Variants in ETAA1 observed in about 807,000 individuals in gnomAD.
ETAA1 encodes ETAA1 activator of ATR kinase, also known as ewing's tumor-associated antigen 1.
In ETAA1, 49 loss-of-function variants were observed where a neutral mutation model predicts 76.8. That is an observed-to-expected ratio of 0.64 (90% CI 0.51 to 0.81). ETAA1 has a LOEUF of 0.81. ETAA1 is among the 30% of genes least tolerant of loss of function. The probability of loss-of-function intolerance (pLI) is 0.00; values close to 1 mark genes in which losing one functional copy is unlikely to be tolerated. For missense variants in ETAA1, 1,099 were observed against 1,074.0 expected (o/e 1.02, Z -0.32); for synonymous variants, 373 against 372.2 (o/e 1.00, Z -0.03).
At position 67,404,149 on chromosome 2, in the gene ETAA1, T is replaced by A. The variant is rs1676136381; in HGVS notation, c.1467T>A (p.Val489=). Residue 489 remains valine (V), a synonymous_variant, in exon 5 of 6, where the codon GTT becomes GTA. Coordinates refer to ENST00000272342, the MANE Select transcript of ETAA1 (RefSeq NM_019002.4). The part of the protein sequence containing the change: ...MKFENSSNKI[V]IQDEIQNCIV... ...TTGAGAACTCTTCCAATAAAATTGT[T>A]ATTCAAGACGAAATTCAAAATTGTA... The A allele has an allele frequency of 6.3e-7, 1 of 1,591,426 alleles. No homozygotes were observed. The highest frequency in any genetic ancestry group is 1.4e-5 in the African/African-American group (1 of 73,466).
Position 67,403,962 on chromosome 2 carries a change from C to G in ETAA1, c.1280C>G (p.Thr427Arg). 1 of 1,608,394 alleles carries G rather than the reference C, an allele frequency of 6.2e-7. No individual in the cohort carries two copies. Among genetic ancestry groups the G allele is most frequent in the Non-Finnish European group, 8.5e-7 (1 of 1,178,036 alleles). The change falls in exon 5 of 6, where the codon ACG becomes AGG. Residue 427 changes from threonine (T) to arginine (R), a missense_variant. Thr to Arg is a moderately conservative substitution (Grantham distance 71). Around this residue, in one of 3 missense-constraint regions of ETAA1, gnomAD observed 761 missense variants for 731.9 expected, o/e 1.04. Transcript: ENST00000272342. ...TTTAATAGTAAAACTGTTAAAAATA[C>G]GTCAAGAGCAAATACAAGTCCAGAT... ...CTFNSKTVKN[T>R]SRANTSPDAR...
In ETAA1 at chr2:67,404,287, G is replaced by A. The variant is rs768313732; in HGVS notation, c.1605G>A (p.Lys535=). The change falls in exon 5 of 6, where the codon AAG becomes AAA. Residue 535 remains lysine (K), a synonymous_variant. Coordinates refer to ENST00000272342, the MANE Select transcript of ETAA1 (RefSeq NM_019002.4). ...NTRYSNEQKN[K]CILNQSIKAP... ...GGTATTCTAATGAACAGAAAAATAA[G>A]TGCATTTTAAATCAGTCTATTAAAG... 4 of 1,612,000 alleles carry A rather than the reference G, an allele frequency of 2.5e-6. No individual in the cohort carries two copies. The highest frequency in any genetic ancestry group is 1.3e-5 in the African/African-American group (1 of 74,770).
rs531001702 is a variant in ETAA1 at position 67,405,215 on chromosome 2, T to C, written c.2533T>C (p.Ser845Pro). 2 of 1,612,644 alleles carry C rather than the reference T, an allele frequency of 1.2e-6. No homozygotes were observed. The highest frequency in any genetic ancestry group is 1.3e-5 in the African/African-American group (1 of 74,984). Residue 845 changes from serine (S) to proline (P), a missense_variant, in exon 5 of 6, where the codon TCT (serine) becomes CCT (proline). Around this residue, in one of 3 missense-constraint regions of ETAA1, gnomAD observed 302 missense variants for 278.1 expected, o/e 1.09. Transcript: ENST00000272342. The stretch of plus-strand genomic sequence containing the variant: ...TCAAAATTGTATAACTGGAAGTATG[T>C]CTGATACCAAAATTACACAGGGTGT... Reference protein sequence around the residue: ...FNQNCITGSMSDTKITQGVEK... With the variant: ...FNQNCITGSMPDTKITQGVEK...
intron 5 of ETAA1, 88 bp from the exon 6 acceptor site, chr2:67,409,822 TG>T: frequency 8.4e-7 from 1 of 1,197,544 alleles, no homozygotes; most frequent in Non-Finnish European, 1.2e-6. Context: ...ATGGCAAATC[TG>T]GGTGATTAAA....
In ETAA1 at chr2:67,403,703, C is replaced by T. The variant is rs145469665; in HGVS notation, c.1021C>T (p.Arg341Ter). 1 of 1,613,370 alleles carries T rather than the reference C, an allele frequency of 6.2e-7. No homozygotes were observed. Residue 341 changes from arginine to a stop codon, truncating the protein, a stop_gained, in exon 5 of 6, where the codon CGA becomes TGA. Transcript: ENST00000272342. LOFTEE classifies it high-confidence loss of function. ...TGAAAAACTGTCAAATAAAACCCCA[C>T]GATCACTTTCTTCTCAAGTAGATAC... is the stretch of plus-strand genomic sequence containing the variant. The part of the protein sequence containing the change: ...VIEKLSNKTP[R>*]SLSSQVDTPI...
rs759280446 is a variant in ETAA1, at chr2:67,404,179, T to TA, written c.1498dup (p.Thr500AsnfsTer3). ...AAGACGAAATTCAAAATTGTATAGT[T>TA]ACATCTAATCTGACAAAAATAAAGG... is the stretch of plus-strand genomic sequence containing the variant. On this transcript the variant is annotated frameshift_variant, in exon 5 of 6. Coordinates refer to ENST00000272342, the MANE Select transcript of ETAA1 (RefSeq NM_019002.4). LOFTEE classifies it high-confidence loss of function. The TA allele has an allele frequency of 1.9e-6, 3 of 1,605,308 alleles. No individual in the cohort carries two copies.
Position 67,403,241 on chromosome 2 carries a change from C to A in ETAA1, c.559C>A (p.Gln187Lys). ...GTTTAATAGGTTAAAAACACAAAGTCAAGAAGAAGAACTTATGAAACTGGC... is the reference window on the plus strand; with the variant it reads ...GTTTAATAGGTTAAAAACACAAAGTAAAGAAGAAGAACTTATGAAACTGGC... Reference protein sequence around the residue: ...ISCTKLKTQSQEEELMKLAKQ... With the variant: ...ISCTKLKTQSKEEELMKLAKQ... Residue 187 changes from glutamine to lysine, a missense_variant, in exon 5 of 6, where the codon CAA becomes AAA. Gln to Lys is a moderately conservative substitution (Grantham distance 53). This residue lies in a region of ETAA1 where 761 missense variants were observed against 731.9 expected (regional missense o/e 1.04). Coordinates refer to ENST00000272342, the MANE Select transcript of ETAA1 (RefSeq NM_019002.4). 1 of 1,560,818 alleles carries A rather than the reference C, an allele frequency of 6.4e-7. No homozygotes were observed. The highest frequency in any genetic ancestry group is 1.2e-5 in the South Asian group (1 of 81,588).
At chr2:67,400,081 G>C (rs1282237964) in intron 3 of ETAA1, among the ~76,000 whole-genome samples, 1 of 152,116 alleles carries the variant, frequency 6.6e-6, no homozygotes, top group Non-Finnish European at 1.5e-5. Flanking sequence ...CAAAAGTGGA[G>C]AGCACTGAAT....
chr2:67,403,591 G>C lies in ETAA1; in HGVS notation c.909G>C (p.Glu303Asp). Residue 303 changes from glutamate (E) to aspartate (D), a missense_variant, in exon 5 of 6, where the codon GAG (glutamate) becomes GAC (aspartate). By Grantham distance (45) the Glu-to-Asp change is conservative. This residue lies in a region of ETAA1 where 761 missense variants were observed against 731.9 expected (regional missense o/e 1.04). Coordinates refer to ENST00000272342, the MANE Select transcript of ETAA1 (RefSeq NM_019002.4). Reference protein sequence around the residue: ...CSGQLSQELPEAFWSTSNTTF... With the variant: ...CSGQLSQELPDAFWSTSNTTF... ...GACAGTTAAGCCAAGAACTGCCAGA[G>C]GCTTTTTGGAGCACCAGTAATACTA... 6.2e-7 allele frequency: 1 copy of C among 1,613,330 alleles called. No homozygotes were observed. The highest frequency in any genetic ancestry group is 8.5e-7 in the Non-Finnish European group (1 of 1,179,420).
At position 67,397,472 on chromosome 2, in the gene ETAA1, T is replaced by A. The variant is rs767455421; in HGVS notation, c.24T>A (p.Asp8Glu). 6 of 1,601,182 alleles carry A rather than the reference T, an allele frequency of 3.7e-6. No individual in the cohort carries two copies. The highest frequency in any genetic ancestry group is 5.1e-6 in the Non-Finnish European group (6 of 1,173,986). Residue 8 changes from aspartate to glutamate, a missense_variant, in exon 1 of 6, where the codon GAT (aspartate) becomes GAA (glutamate). Physicochemically the swap from Asp to Glu is conservative, Grantham distance 45. Coordinates refer to ENST00000272342, the MANE Select transcript of ETAA1 (RefSeq NM_019002.4). MSRRRKHDDSPSPKKTPH... is the reference protein window; with the variant it reads MSRRRKHEDSPSPKKTPH... ...CAATGAGTCGGCGAAGGAAACATGA[T>A]GACAGCCCTAGCCCGAAGAAAACGC...
rs1435675184 is a variant in ETAA1, at chr2:67,409,937, T to A, written c.2680T>A (p.Ser894Thr). ...GGAAGAAGAGAAAAATAGAAAGTGT[T>A]CTCCTGAAGAAATTCAGAGAAAAAG... is the stretch of plus-strand genomic sequence containing the variant. ...KEEEEKNRKCSPEEIQRKRQE... is the reference protein window; with the variant it reads ...KEEEEKNRKCTPEEIQRKRQE... The change falls in exon 6 of 6, where the codon TCT becomes ACT. Residue 894 changes from serine (S) to threonine (T), a missense_variant. Physicochemically the swap from Ser to Thr is moderately conservative, Grantham distance 58. Around this residue, in one of 3 missense-constraint regions of ETAA1, gnomAD observed 302 missense variants for 278.1 expected, o/e 1.09. Transcript: ENST00000272342. 1 of 1,604,880 alleles carries A rather than the reference T, an allele frequency of 6.2e-7. No individual in the cohort carries two copies. The highest frequency in any genetic ancestry group is 1.7e-5 in the Admixed American group (1 of 57,762).
In ETAA1 at chr2:67,397,423, C is replaced by T; in HGVS notation, c.-26C>T. Reference sequence around the variant, plus strand: ...CCTTTGCAAAATGTGAAAGAAGAAGCGGCTGGTGGAGGCGGGCCATAGGCA... The same window carrying T: ...CCTTTGCAAAATGTGAAAGAAGAAGTGGCTGGTGGAGGCGGGCCATAGGCA... On this transcript the variant is annotated 5_prime_UTR_variant, in exon 1 of 6. Transcript: ENST00000272342. 1.9e-6 allele frequency: 3 copies of T among 1,566,080 alleles called. No homozygotes were observed. The highest frequency in any genetic ancestry group is 2.6e-6 in the Non-Finnish European group (3 of 1,154,318).
intron 3 of ETAA1, 42 bp from the exon 4 acceptor site, chr2:67,402,820 A>G (rs762648744): frequency 1.4e-5 from 19 of 1,348,418 alleles, no homozygotes; most frequent in Non-Finnish European, 1.9e-5. Context: ...GGGGGATGCT[A>G]CACTGGTACT....
intron 3 of ETAA1, among the ~76,000 whole-genome samples, chr2:67,400,174 C>G (rs1483384970): frequency 1.3e-5 from 2 of 152,112 alleles, no homozygotes; most frequent in Non-Finnish European, 2.9e-5. Context: ...GTTCATTCAG[C>G]CATGAACTAG....
intron 3 of ETAA1, among the ~76,000 whole-genome samples, chr2:67,399,910 ACATACG>A (rs1676005407): frequency 1.1e-5 from 1 of 90,834 alleles, no homozygotes; most frequent in Non-Finnish European, 2.3e-5. Flanking sequence ...GTGCTTAACA[ACATACG>A]ACATCATTTT....
intron 3 of ETAA1, chr2:67,400,570 A>G (rs1676026286): frequency 6.6e-6 from 1 of 152,218 alleles, no homozygotes; most frequent in Non-Finnish European, 1.5e-5. Context: ...TATAATTACT[A>G]AGAAGCAAAG....
At chr2:67,407,798 G>C (rs1276091021) in intron 5 of ETAA1, among the ~76,000 whole-genome samples, 1 of 152,030 alleles carries the variant, frequency 6.6e-6, no homozygotes, top group African/African-American at 2.4e-5. Context: ...TCATCATAAA[G>C]GTCTTCATCC....
At chr2:67,400,829 T>A (rs1316906592) in intron 3 of ETAA1, 1 of 152,200 alleles carries the variant, frequency 6.6e-6, no homozygotes, top group Non-Finnish European at 1.5e-5. Context: ...TCTTAGCAGC[T>A]ATAAAATATC....
At position 67,400,417 on chromosome 2, in the gene ETAA1, A is replaced by C. The variant is rs539184612; in HGVS notation, c.429+791A>C. On this transcript the variant is annotated intron_variant, in intron 3 of 5. Transcript: ENST00000272342. ...GGCAGGAAGATTGCTTGAGGCCAGG[A>C]GTTTAAGACCCTGTCTCTTAAAAAA... 7.2e-5 allele frequency: 11 copies of C among 152,108 alleles called. No homozygotes were observed. In the East Asian group the frequency reaches 2.1e-3, roughly 29 times the overall value. 9.4% of individuals were successfully genotyped at this position (152,108 alleles called of 1,614,324 possible). A position where few individuals can be genotyped will look rare whatever the true frequency, so the allele number is the denominator to read the frequency against.
Sources: gnomAD v4.1 joint callset for allele counts (sites outside exome capture counted in the v4.1 genomes callset) on GRCh38, gnomAD v4.1.1 for gene constraint, gnomAD v4.1.1 regional missense constraint, MANE v1.5 for transcripts, NCBI Gene and HGNC (gene_info 2026-07-23, HGNC 2026-07-21) for gene names.